Variants in LARGE1 observed in about 807,000 individuals in gnomAD.
LARGE1 encodes LARGE xylosyl- and glucuronyltransferase 1, also known as xylosyl- and glucuronyltransferase LARGE1.
LARGE1 carries 43 observed loss-of-function variants against 87.6 expected under a neutral mutation model. The ratio of observed to expected loss-of-function variants is 0.49; its 90% CI spans 0.38 to 0.63. The LOEUF is 0.63. Ranked by LOEUF, LARGE1 falls within the 30% of genes least tolerant of loss-of-function variation. The pLI is 0.00. For synonymous variants in LARGE1, 434 were observed against 394.6 expected (o/e 1.10, Z -1.18); for missense variants, 802 against 1,000.2 (o/e 0.80, Z 2.67).
intron 7 of LARGE1, among the ~76,000 whole-genome samples, chr22:33,386,644 C>T (rs985762364): frequency 6.7e-6 from 1 of 148,702 alleles, no homozygotes; most frequent in African/African-American, 2.4e-5. Context: ...GAGGAAGGTA[C>T]ACAGTGGAAA....
chr22:33,414,144 C>G (rs1475153024), intron 7 of LARGE1, among the ~76,000 whole-genome samples: 1 of 152,088 alleles, frequency 6.6e-6, no homozygotes, highest in Admixed American at 6.6e-5. Flanking sequence ...CCGCATCATT[C>G]TATAATACAT....
At chr22:33,639,692 T>A (rs1211993120) in intron 3 of LARGE1, among the ~76,000 whole-genome samples, 5 of 152,166 alleles carry the variant, frequency 3.3e-5, no homozygotes, top group African/African-American at 4.8e-5. Flanking sequence ...TGTTTTTTCT[T>A]CCGTACAATA....
At chr22:33,166,720 A>C in exon 12 of LARGE1, 1 of 470,984 alleles carries the variant, frequency 2.1e-6, no homozygotes, top group South Asian at 1.6e-5. Context: ...CTCATGAAGA[A>C]CAGTACCCAA....
the LARGE1 span, among the ~76,000 whole-genome samples, chr22:33,084,854 CTTTTT>C: frequency 6.6e-6 from 1 of 152,174 alleles, no homozygotes; most frequent in Non-Finnish European, 1.5e-5. Flanking sequence ...AGTTCACATT[CTTTTT>C]ATTATAACAA....
intron 1 of LARGE1, among the ~76,000 whole-genome samples, chr22:33,893,228 G>A (rs1353091429): frequency 6.6e-6 from 1 of 152,176 alleles, no homozygotes; most frequent in African/African-American, 2.4e-5. Context: ...GAAAACACCA[G>A]CTCCAAAAGG....
At chr22:33,153,866 G>T in the LARGE1 span, among the ~76,000 whole-genome samples, 1 of 152,176 alleles carries the variant, frequency 6.6e-6, no homozygotes, top group African/African-American at 2.4e-5. Flanking sequence ...AATCCCAGGG[G>T]ACTGGCGGTC....
intron 7 of LARGE1, among the ~76,000 whole-genome samples, chr22:33,398,543 T>G (rs759356993): frequency 1.3e-5 from 2 of 152,204 alleles, no homozygotes; most frequent in Non-Finnish European, 2.9e-5. Context: ...ATTCCACAGA[T>G]AGTTCCTTTT....
chr22:33,767,427 G>T (rs1601568012), intron 1 of LARGE1, among the ~76,000 whole-genome samples: 1 of 148,840 alleles, frequency 6.7e-6, no homozygotes, highest in East Asian at 2.0e-4. Context: ...GCATATATAT[G>T]CATGTATATA....
chr22:33,859,086 T>C (rs1437060112), intron 1 of LARGE1, among the ~76,000 whole-genome samples: 1 of 152,124 alleles, frequency 6.6e-6, no homozygotes, highest in Non-Finnish European at 1.5e-5. Context: ...AAATACCTAA[T>C]GTAGATGACG....
At chr22:33,549,950 T>C (rs752595610) in intron 6 of LARGE1, among the ~76,000 whole-genome samples, 55 of 152,154 alleles carry the variant, frequency 3.6e-4, no homozygotes, top group Non-Finnish European at 6.2e-4. Context: ...TACGGCTGCA[T>C]AGTATTCCAT....
chr22:33,634,569 TACC>T (rs1471667708), intron 3 of LARGE1, among the ~76,000 whole-genome samples: 2 of 152,042 alleles, frequency 1.3e-5, no homozygotes, highest in South Asian at 2.1e-4. Context: ...TTCTTTCAGC[TACC>T]ACCACATGTC....
At chr22:33,791,185 C>G (rs543690931) in intron 1 of LARGE1, among the ~76,000 whole-genome samples, 2 of 152,276 alleles carry the variant, frequency 1.3e-5, no homozygotes, top group Admixed American at 1.3e-4. Context: ...TGTCTTTGTG[C>G]TGTACACTGG....
intron 11 of LARGE1, among the ~76,000 whole-genome samples, chr22:33,218,010 G>A (rs914755265): frequency 2.6e-5 from 4 of 151,628 alleles, no homozygotes; most frequent in Admixed American, 6.6e-5. Context: ...GCTCACTGTA[G>A]CCTCTGCCTC....
At chr22:33,304,983 G>A (rs1247573619) in intron 11 of LARGE1, among the ~76,000 whole-genome samples, 1 of 152,168 alleles carries the variant, frequency 6.6e-6, no homozygotes, top group Non-Finnish European at 1.5e-5. Flanking sequence ...TATAATTACA[G>A]ATGTGCTGCA....
intron 6 of LARGE1, among the ~76,000 whole-genome samples, chr22:33,534,271 G>A (rs983067330): frequency 6.6e-6 from 1 of 152,152 alleles, no homozygotes; most frequent in Non-Finnish European, 1.5e-5. Context: ...GGGCGTGGTG[G>A]TGGGCACCTG....
At chr22:33,808,872 T>C (rs891606186) in intron 1 of LARGE1, among the ~76,000 whole-genome samples, 57 of 152,172 alleles carry the variant, frequency 3.7e-4, no homozygotes, top group Admixed American at 1.3e-4. Context: ...CTTAACACTG[T>C]CTGGTGGGTC....
intron 2 of LARGE1, among the ~76,000 whole-genome samples, chr22:33,722,204 G>A (rs761785397): frequency 6.6e-6 from 1 of 151,674 alleles, no homozygotes; most frequent in African/African-American, 2.4e-5. Flanking sequence ...AATGAGCCGA[G>A]ATCACGCCAC....
chr22:33,377,994 T>C (rs1302374582), intron 9 of LARGE1, among the ~76,000 whole-genome samples: 1 of 152,208 alleles, frequency 6.6e-6, no homozygotes, highest in Non-Finnish European at 1.5e-5. Flanking sequence ...AAAATACTTA[T>C]GTTTTATATC....
chr22:33,450,593 C>A (rs560092107), intron 6 of LARGE1, among the ~76,000 whole-genome samples: 1 of 149,614 alleles, frequency 6.7e-6, no homozygotes, highest in African/African-American at 2.5e-5. Flanking sequence ...GGCAACAAAG[C>A]AAGATTCTGT....
Sources: gnomAD v4.1 joint callset for allele counts (sites outside exome capture counted in the v4.1 genomes callset) on GRCh38, gnomAD v4.1.1 for gene constraint, MANE v1.5 for transcripts, NCBI Gene and HGNC (gene_info 2026-07-23, HGNC 2026-07-21) for gene names.